Variants in PAPPA2 observed in about 807,000 individuals in gnomAD.
PAPPA2 encodes pappalysin 2.
In PAPPA2, 86 loss-of-function variants were observed where a neutral mutation model predicts 176.4. That is an observed-to-expected ratio of 0.49 (90% CI 0.41 to 0.58). PAPPA2 has a LOEUF of 0.58. Among genes scored for constraint, PAPPA2 ranks in the 20% least tolerant of loss-of-function variants. The probability of loss-of-function intolerance (pLI) is 0.00; values close to 1 mark genes in which losing one functional copy is unlikely to be tolerated. For missense variants in PAPPA2, 2,073 were observed against 2,256.9 expected (o/e 0.92, Z 1.65); for synonymous variants, 809 against 852.2 (o/e 0.95, Z 0.88).
intron 10 of PAPPA2, among the ~76,000 whole-genome samples, chr1:176,707,332 T>A (rs986179747): frequency 1.3e-5 from 2 of 152,116 alleles, no homozygotes; most frequent in Admixed American, 6.5e-5. Context: ...ACCTGAATCA[T>A]AGAATGTTGG....
intron 3 of PAPPA2, among the ~76,000 whole-genome samples, chr1:176,658,427 T>C (rs1658144129): frequency 1.3e-5 from 2 of 152,068 alleles, no homozygotes; most frequent in African/African-American, 4.8e-5. Context: ...TATTTTTAAA[T>C]ATCTAGAAGT....
At chr1:176,769,518 G>A in intron 15 of PAPPA2, 89 bp from the exon 16 acceptor site, 1 of 1,365,854 alleles carries the variant, frequency 7.3e-7, no homozygotes, top group Middle Eastern at 1.8e-4. Context: ...TGTTTAGACA[G>A]ATAATCACCA....
chr1:176,513,901 G>A (rs929787914), intron 1 of PAPPA2, among the ~76,000 whole-genome samples: 1 of 152,194 alleles, frequency 6.6e-6, no homozygotes, highest in South Asian at 2.1e-4. Context: ...TGTCCGAGGA[G>A]TCATGACTGT....
intron 14 of PAPPA2, among the ~76,000 whole-genome samples, chr1:176,760,630 T>C (rs772327877): frequency 3.9e-5 from 6 of 152,176 alleles, no homozygotes; most frequent in Admixed American, 1.3e-4. Flanking sequence ...TCTTAGAGGC[T>C]TCCCAAGTAC....
chr1:176,725,424 C>T (rs578165839), intron 12 of PAPPA2, among the ~76,000 whole-genome samples: 2 of 152,222 alleles, frequency 1.3e-5, no homozygotes, highest in African/African-American at 2.4e-5. Context: ...ACTTAGTAAA[C>T]AATGCCTCAT....
At chr1:176,830,583 C>T (rs755637985) in intron 21 of PAPPA2, among the ~76,000 whole-genome samples, 2 of 152,138 alleles carry the variant, frequency 1.3e-5, no homozygotes, top group Admixed American at 6.5e-5. Context: ...GCAGGATATT[C>T]CCTAAACAAA....
chr1:176,816,048 T>G (rs1666368349), intron 21 of PAPPA2, among the ~76,000 whole-genome samples: 1 of 150,504 alleles, frequency 6.6e-6, no homozygotes, highest in African/African-American at 2.4e-5. Flanking sequence ...GCTATCTTAT[T>G]TAGGAATAAA....
At chr1:176,646,249 C>T (rs1030071847) in intron 3 of PAPPA2, among the ~76,000 whole-genome samples, 1 of 151,214 alleles carries the variant, frequency 6.6e-6, no homozygotes, top group African/African-American at 2.4e-5. Context: ...GTCTTTCATC[C>T]ATTTAAAAAA....
intron 1 of PAPPA2, among the ~76,000 whole-genome samples, chr1:176,489,775 G>C (rs1652809691): frequency 1.3e-5 from 2 of 152,138 alleles, no homozygotes; most frequent in South Asian, 2.1e-4. Context: ...TGTAATTTGA[G>C]CTTTATATTG....
intron 6 of PAPPA2, among the ~76,000 whole-genome samples, chr1:176,694,731 C>A (rs1660285398): frequency 6.6e-6 from 1 of 152,146 alleles, no homozygotes; most frequent in Non-Finnish European, 1.5e-5. Context: ...ACTTGTAGAA[C>A]TTTCATAAAC....
chr1:176,835,660 C>T (rs1000588212), intron 21 of PAPPA2, among the ~76,000 whole-genome samples: 2 of 152,204 alleles, frequency 1.3e-5, no homozygotes, highest in African/African-American at 4.8e-5. Context: ...GCTGGGATTA[C>T]AGGCAGGCAC....
intron 14 of PAPPA2, among the ~76,000 whole-genome samples, chr1:176,746,861 T>C (rs75682602): frequency 0.018 from 2,766 of 152,286 alleles, 98 homozygotes; most frequent in African/African-American, 0.063. Context: ...CTTCTCTCGC[T>C]TGTTCTCACT....
At chr1:176,814,242 T>C (rs191463605) in intron 21 of PAPPA2, among the ~76,000 whole-genome samples, 36 of 152,212 alleles carry the variant, frequency 2.4e-4, no homozygotes, top group African/African-American at 7.9e-4. Context: ...GTTCTTTTTG[T>C]TTAGGATTAT....
At chr1:176,679,902 A>G (rs1558514721) in intron 4 of PAPPA2, among the ~76,000 whole-genome samples, 2 of 152,202 alleles carry the variant, frequency 1.3e-5, no homozygotes, top group African/African-American at 2.4e-5. Context: ...ATGGCCCACT[A>G]TAGATCTCTA....
At chr1:176,823,597 T>A (rs1171691541) in intron 21 of PAPPA2, among the ~76,000 whole-genome samples, 1 of 152,228 alleles carries the variant, frequency 6.6e-6, no homozygotes, top group Non-Finnish European at 1.5e-5. Context: ...CTAGAGCAGC[T>A]ATTCATTTCT....
chr1:176,690,325 C>T lies in PAPPA2; in HGVS notation c.2326C>T (p.Pro776Ser), dbSNP rs769016668. ...ETGDLCADTA[P>S]TPKSELCREP... ...GGGAGACCTCTGTGCCGACACCGCCCCCACTCCCAAGAGTGAGCTGTGCCG... is the reference window on the plus strand; with the variant it reads ...GGGAGACCTCTGTGCCGACACCGCCTCCACTCCCAAGAGTGAGCTGTGCCG... The change falls in exon 5 of 23, where the codon CCC (proline) becomes TCC (serine). Residue 776 changes from proline (P) to serine (S), a missense_variant. Pro to Ser is a moderately conservative substitution (Grantham distance 74). Coordinates refer to ENST00000367662, the MANE Select transcript of PAPPA2 (RefSeq NM_020318.3). 6.2e-7 allele frequency: 1 copy of T among 1,614,142 alleles called. No individual in the cohort carries two copies. Among genetic ancestry groups the T allele is most frequent in the South Asian group, 1.1e-5 (1 of 91,078 alleles).
chr1:176,725,957 T>A (rs1661848923), intron 12 of PAPPA2, among the ~76,000 whole-genome samples: 1 of 152,118 alleles, frequency 6.6e-6, no homozygotes, highest in Non-Finnish European at 1.5e-5. Flanking sequence ...TTGTTTTGTA[T>A]TTTTAGTAGA....
At chr1:176,833,171 A>G (rs1319612695) in intron 21 of PAPPA2, among the ~76,000 whole-genome samples, 1 of 152,104 alleles carries the variant, frequency 6.6e-6, no homozygotes, top group Non-Finnish European at 1.5e-5. Context: ...CTTCCAGGAG[A>G]TACTCTGTAC....
chr1:176,759,457 T>G (rs919640522), intron 14 of PAPPA2, among the ~76,000 whole-genome samples: 4 of 152,106 alleles, frequency 2.6e-5, no homozygotes, highest in Admixed American at 2.6e-4. Context: ...GAAATGGAGT[T>G]TTTAATCTTT....
Sources: gnomAD v4.1 joint callset for allele counts (sites outside exome capture counted in the v4.1 genomes callset) on GRCh38, gnomAD v4.1.1 for gene constraint, MANE v1.5 for transcripts, NCBI Gene and HGNC (gene_info 2026-07-23, HGNC 2026-07-21) for gene names.